The following NPHP4 variants were observed in gnomAD, a reference collection of about 807,000 sequenced individuals.
The protein encoded by NPHP4 is nephrocystin 4, also known as nephrocystin-4.
Under a neutral mutation model 155.8 loss-of-function variants are expected in NPHP4, and 151 were observed. That is an observed-to-expected ratio of 0.97 (90% CI 0.85 to 1.11). The LOEUF (loss-of-function observed/expected upper bound fraction) is 1.11. NPHP4 is among the 50% of genes least tolerant of loss of function. The pLI, the probability that NPHP4 is intolerant of heterozygous loss-of-function variation, is 0.00. For synonymous variants in NPHP4, 845 were observed against 816.8 expected (o/e 1.03, Z -0.59); for missense variants, 1,956 against 1,925.7 (o/e 1.02, Z -0.29).
At chr1:5,926,281 G>T (rs1423630731) in intron 11 of NPHP4, among the ~76,000 whole-genome samples, 1 of 152,160 alleles carries the variant, frequency 6.6e-6, no homozygotes, top group Non-Finnish European at 1.5e-5. Flanking sequence ...GATGTAGTTT[G>T]TCCCAAAGAA....
intron 11 of NPHP4, among the ~76,000 whole-genome samples, chr1:5,924,919 G>C (rs1020246374): frequency 6.6e-6 from 1 of 152,144 alleles, no homozygotes; most frequent in African/African-American, 2.4e-5. Flanking sequence ...GCCTTCTAAA[G>C]TGCTAGGATT....
chr1:5,939,924 C>T (rs1388959737), intron 9 of NPHP4, among the ~76,000 whole-genome samples: 3 of 152,120 alleles, frequency 2.0e-5, no homozygotes, highest in African/African-American at 7.2e-5. Flanking sequence ...GACCCCAGGG[C>T]ACAGAAGGAG....
chr1:5,970,460 G>A (rs776532017), intron 3 of NPHP4, among the ~76,000 whole-genome samples: 3 of 152,182 alleles, frequency 2.0e-5, no homozygotes, highest in South Asian at 4.2e-4. Context: ...CCGAGATCAC[G>A]CCACCGCACT....
At chr1:5,902,929 T>C (rs577011513) in intron 16 of NPHP4, among the ~76,000 whole-genome samples, 108 of 152,362 alleles carry the variant, frequency 7.1e-4, no homozygotes, top group Non-Finnish European at 1.3e-3. Context: ...TCTGATCTTG[T>C]GGCATTATGG....
intron 18 of NPHP4, among the ~76,000 whole-genome samples, chr1:5,884,725 G>A (rs1397642082): frequency 6.3e-5 from 9 of 141,798 alleles, no homozygotes; most frequent in Non-Finnish European, 1.1e-4. Context: ...GCTCCCAGCC[G>A]TCCTACTCCA....
At chr1:5,917,892 A>T (rs1359493990) in intron 11 of NPHP4, among the ~76,000 whole-genome samples, 1 of 152,240 alleles carries the variant, frequency 6.6e-6, no homozygotes, top group Non-Finnish European at 1.5e-5. Context: ...AACTGATGGT[A>T]CAAGATCCTC....
In NPHP4 at chr1:5,927,792, A is replaced by C. The variant is rs181850646; in HGVS notation, c.1303-5T>G. 5 of 1,608,510 alleles carry C rather than the reference A, an allele frequency of 3.1e-6. No individual in the cohort carries two copies. The East Asian group carries it at 1.1e-4, about 36-fold the overall frequency. Reference sequence around the variant, plus strand: ...ACCCGACTCCACCTGCTTCACCTGCAATGGACCAGAAGAGCAGTGATGGCC... The same window carrying C: ...ACCCGACTCCACCTGCTTCACCTGCCATGGACCAGAAGAGCAGTGATGGCC... On this transcript the variant is annotated splice_polypyrimidine_tract_variant and splice_region_variant and intron_variant, in intron 10 of 29. Transcript: ENST00000378156.
Position 5,877,117 on chromosome 1 carries a change from CAA to C in NPHP4, c.2791_2792del (p.Leu931GlyfsTer61). ...CCAACACGCTCGTCCCGCGCCGGCC[CAA>C]GTCTCCCCCGGCCTCCTGCAGGCGC... ...SVRLQEAGGD[L>X]GRRGTSVLAQ... On this transcript the variant is annotated frameshift_variant, in exon 20 of 30. Coordinates refer to ENST00000378156, the MANE Select transcript of NPHP4 (RefSeq NM_015102.5). LOFTEE classifies it high-confidence loss of function. 6.3e-7 allele frequency: 1 copy of C among 1,584,520 alleles called. No homozygotes were observed. Among genetic ancestry groups the C allele is most frequent in the Non-Finnish European group, 8.6e-7 (1 of 1,157,872 alleles).
chr1:5,978,480 C>T, intron 2 of NPHP4, 67 bp from the exon 3 acceptor site: 1 of 1,498,404 alleles, frequency 6.7e-7, no homozygotes, highest in Non-Finnish European at 9.1e-7. Context: ...CACTGGCAGG[C>T]CATGTGGGTG....
At position 5,948,088 on chromosome 1, in the gene NPHP4, A is replaced by G. The variant is rs763448214; in HGVS notation, c.974T>C (p.Val325Ala). Residue 325 changes from valine to alanine, a missense_variant, in exon 8 of 30, where the codon GTC becomes GCC. Transcript: ENST00000378156. ...TRSASFSRKV[V>A]SSSKTSSGSQ... is the part of the protein sequence containing the mutation. ...ACAATACCTGGTCTTGGAAGAGGAG[A>G]CCACTTTCCTGCTGAAGCTAGCTGA... The G allele has an allele frequency of 6.2e-7, 1 of 1,613,766 alleles. No individual in the cohort carries two copies. Among genetic ancestry groups the G allele is most frequent in the Non-Finnish European group, 8.5e-7 (1 of 1,179,766 alleles).
intron 16 of NPHP4, among the ~76,000 whole-genome samples, chr1:5,891,355 T>C (rs930921360): frequency 1.4e-4 from 21 of 152,192 alleles, no homozygotes; most frequent in African/African-American, 5.1e-4. Flanking sequence ...ATTCTGGGCG[T>C]GTAGAATTTA....
rs569374076 is a variant in NPHP4, at chr1:5,867,439, C to A, written c.3472+301G>T. On this transcript the variant is annotated intron_variant, in intron 24 of 29. Transcript: ENST00000378156. This position sits in a 1 kb window ranked among gnomAD's most constrained non-coding sequence, Gnocchi z 4.1. The stretch of plus-strand genomic sequence containing the variant: ...CTGTAAGGGGCACCTACCAGAAACA[C>A]GCGGGCCGTCAGGTGAGGAGGTAGG... 4.5e-4 allele frequency: 249 copies of A among 549,034 alleles called. 3 individuals are homozygous for A. The South Asian group carries it at 5.4e-3, about 12-fold the overall frequency. 34.0% of individuals were successfully genotyped at this position (549,034 alleles called of 1,614,324 possible). A position where few individuals can be genotyped will look rare whatever the true frequency, so the allele number is the denominator to read the frequency against.
intron 5 of NPHP4, among the ~76,000 whole-genome samples, chr1:5,964,154 G>A (rs1284211977): frequency 1.3e-5 from 2 of 152,256 alleles, no homozygotes; most frequent in Non-Finnish European, 2.9e-5. Context: ...AAAGCAAGGT[G>A]TGGAACAGTG....
intron 7 of NPHP4, among the ~76,000 whole-genome samples, chr1:5,949,970 C>T (rs1344823746): frequency 6.6e-6 from 1 of 152,078 alleles, no homozygotes; most frequent in African/African-American, 2.4e-5. Context: ...CAATGAGAAG[C>T]CAGCAGCAGG....
intron 21 of NPHP4, 25 bp from the exon 22 acceptor site, chr1:5,874,682 C>A: frequency 6.2e-7 from 1 of 1,607,234 alleles, no homozygotes; most frequent in South Asian, 1.1e-5. Flanking sequence ...GTCCAGGCGT[C>A]AGGGCAGTTC....
At chr1:5,949,380 C>G (rs1249732731) in intron 7 of NPHP4, among the ~76,000 whole-genome samples, 1 of 33,986 alleles carries the variant, frequency 2.9e-5, no homozygotes, top group East Asian at 8.0e-4. Flanking sequence ...AACTTGCTAA[C>G]TTCATAGACT....
At chr1:5,935,242 G>A (rs924864568) in intron 9 of NPHP4, among the ~76,000 whole-genome samples, 19 of 152,124 alleles carry the variant, frequency 1.2e-4, no homozygotes, top group African/African-American at 4.6e-4. Context: ...CATCACAATC[G>A]GACTTCAAAC....
intron 1 of NPHP4, among the ~76,000 whole-genome samples, chr1:5,988,003 C>T (rs1451763896): frequency 1.3e-5 from 2 of 152,204 alleles, no homozygotes; most frequent in East Asian, 1.9e-4. Flanking sequence ...AGTGATATAA[C>T]GTGATCTTCT....
chr1:5,990,984 T>C (rs1012424502), intron 1 of NPHP4, among the ~76,000 whole-genome samples: 1 of 151,874 alleles, frequency 6.6e-6, no homozygotes, highest in Non-Finnish European at 1.5e-5. Context: ...AGAAAGCCAG[T>C]GGGGGAGAAA....
Sources: allele counts gnomAD v4.1 joint callset (sites outside exome capture counted in the v4.1 genomes callset), GRCh38; gene constraint gnomAD v4.1.1; non-coding constraint Gnocchi (gnomAD v3.1); transcripts MANE v1.5; gene names NCBI Gene and HGNC (gene_info 2026-07-23, HGNC 2026-07-21).